The following RBFOX1 variants were observed in gnomAD, a reference collection of about 807,000 sequenced individuals.
RBFOX1 encodes RNA binding protein fox-1 homolog 1.
In RBFOX1, 8 loss-of-function variants were observed where a neutral mutation model predicts 57.7. That is an observed-to-expected ratio of 0.14 (90% CI 0.08 to 0.25). The LOEUF (loss-of-function observed/expected upper bound fraction) is 0.25, where lower values mean the gene tolerates loss of function less well. Ranked by LOEUF, RBFOX1 falls within the 10% of genes least tolerant of loss-of-function variation. The pLI, the probability that RBFOX1 is intolerant of heterozygous loss-of-function variation, is 1.00. For missense variants in RBFOX1, 611 were observed against 548.5 expected (o/e 1.11, Z -1.14); for synonymous variants, 326 against 222.4 (o/e 1.47, Z -4.15).
intron 4 of RBFOX1, among the ~76,000 whole-genome samples, chr16:7,321,781 C>T (rs956615494): frequency 3.9e-5 from 6 of 152,164 alleles, no homozygotes; most frequent in African/African-American, 1.4e-4. Flanking sequence ...AGAGTGGTTC[C>T]TCTTTTGATG....
At chr16:5,894,736 A>C (rs1325793736) in intron 4 of RBFOX1, among the ~76,000 whole-genome samples, 2 of 151,756 alleles carry the variant, frequency 1.3e-5, no homozygotes, top group East Asian at 2.0e-4. Flanking sequence ...AAATTCATCT[A>C]CAGGGCCAGG....
intron 2 of RBFOX1, among the ~76,000 whole-genome samples, chr16:6,644,990 T>C (rs1173036042): frequency 6.6e-6 from 1 of 152,194 alleles, no homozygotes; most frequent in African/African-American, 2.4e-5. Context: ...ATATATTCTC[T>C]GACAGCTCTG....
intron 4 of RBFOX1, among the ~76,000 whole-genome samples, chr16:6,009,702 C>A (rs527783865): frequency 2.2e-4 from 33 of 152,112 alleles, no homozygotes; most frequent in African/African-American, 8.0e-4. Flanking sequence ...CTCCTCCCCC[C>A]ACCTCCAAGC....
intron 3 of RBFOX1, among the ~76,000 whole-genome samples, chr16:6,846,508 A>G (rs9933964): frequency 0.014 from 2,183 of 152,276 alleles, 57 homozygotes; most frequent in African/African-American, 0.05. Context: ...CAAATGAAAC[A>G]AAATGTGTAA....
intron 11 of RBFOX1, among the ~76,000 whole-genome samples, chr16:7,635,006 T>C (rs924229009): frequency 6.6e-6 from 1 of 152,206 alleles, no homozygotes; most frequent in African/African-American, 2.4e-5. Context: ...GGCTGCTTGG[T>C]ATGTGGACTG....
chr16:5,734,529 C>A (rs1048760945), intron 3 of RBFOX1, among the ~76,000 whole-genome samples: 9 of 152,186 alleles, frequency 5.9e-5, no homozygotes, highest in Admixed American at 6.5e-5. Flanking sequence ...GTTGCCATTG[C>A]CAAAGAAACC....
intron 4 of RBFOX1, among the ~76,000 whole-genome samples, chr16:7,383,579 A>G (rs2097822815): frequency 6.6e-6 from 1 of 152,152 alleles, no homozygotes. Flanking sequence ...CTTATTATCC[A>G]TTTCCCATTC....
chr16:5,760,468 C>G (rs1341532879), intron 3 of RBFOX1, among the ~76,000 whole-genome samples: 1 of 152,096 alleles, frequency 6.6e-6, no homozygotes, highest in Non-Finnish European at 1.5e-5. Context: ...ACGTGAGTAG[C>G]AGCATTCCTC....
At position 7,711,586 on chromosome 16, in the gene RBFOX1, G is replaced by A. The variant is rs112762942; in HGVS notation, c.*841G>A. 7.2e-5 allele frequency: 11 copies of A among 152,448 alleles called. No homozygotes were observed. In the South Asian group the frequency reaches 1.9e-3, roughly 26 times the overall value. 9.4% of individuals were successfully genotyped at this position (152,448 alleles called of 1,614,324 possible). On this transcript the variant is annotated 3_prime_UTR_variant, in exon 16 of 16. Transcript: ENST00000550418. ...ACATTAATAAAAAGGTGATAAAAAAGCACTGTTTCTATTTTTTTCTTTTTT... is the reference window on the plus strand; with the variant it reads ...ACATTAATAAAAAGGTGATAAAAAAACACTGTTTCTATTTTTTTCTTTTTT...
intron 3 of RBFOX1, among the ~76,000 whole-genome samples, chr16:6,863,769 A>G (rs2059432894): frequency 1.8e-5 from 2 of 112,108 alleles, no homozygotes; most frequent in African/African-American, 3.7e-5. Context: ...ACCAAATACA[A>G]CCTTACAGAG....
At chr16:7,094,712 C>G (rs189329343) in intron 4 of RBFOX1, among the ~76,000 whole-genome samples, 8 of 141,974 alleles carry the variant, frequency 5.6e-5, no homozygotes, top group Middle Eastern at 3.7e-3. Flanking sequence ...GCTAAGATGG[C>G]TGATGAACTG....
intron 4 of RBFOX1, among the ~76,000 whole-genome samples, chr16:5,986,547 C>G (rs182076434): frequency 9.3e-4 from 141 of 152,320 alleles, no homozygotes; most frequent in African/African-American, 3.3e-3. Flanking sequence ...CCCTCTCACC[C>G]CTGCCTCCTG....
At chr16:6,391,482 C>G (rs948076855) in intron 2 of RBFOX1, among the ~76,000 whole-genome samples, 2 of 150,062 alleles carry the variant, frequency 1.3e-5, no homozygotes, top group Non-Finnish European at 3.0e-5. Flanking sequence ...TGCACTCCAG[C>G]CTGGGCAACA....
intron 3 of RBFOX1, among the ~76,000 whole-genome samples, chr16:5,661,915 C>T (rs543039900): frequency 9.2e-5 from 14 of 152,024 alleles, no homozygotes; most frequent in African/African-American, 2.9e-4. Flanking sequence ...CTGCCCGAGT[C>T]GCTGGGACTA....
chr16:6,751,170 C>G (rs764527389), intron 3 of RBFOX1, among the ~76,000 whole-genome samples: 1 of 151,958 alleles, frequency 6.6e-6, no homozygotes, highest in Admixed American at 6.6e-5. Flanking sequence ...ACATTTTATT[C>G]GAAATACAAT....
At chr16:6,747,445 A>AGTCTGACTGTCTGTCT (rs1555766652) in intron 3 of RBFOX1, among the ~76,000 whole-genome samples, 6 of 83,176 alleles carry the variant, frequency 7.2e-5, no homozygotes, top group African/African-American at 2.4e-4. Context: ...TCAGTCAGTT[A>AGTCTGACTGTCTGTCT]GTCTGTCTGT....
intron 1 of RBFOX1, among the ~76,000 whole-genome samples, chr16:6,023,216 C>T (rs1031609620): frequency 3.9e-5 from 6 of 151,924 alleles, no homozygotes; most frequent in Non-Finnish European, 7.4e-5. Context: ...CGGGTTTCTC[C>T]TCCTGGAATT....
At chr16:6,817,351 C>T (rs556808584) in intron 3 of RBFOX1, among the ~76,000 whole-genome samples, 5 of 152,064 alleles carry the variant, frequency 3.3e-5, no homozygotes, top group African/African-American at 4.8e-5. Flanking sequence ...CTGTTAGCTG[C>T]GTGTGTCACC....
intron 4 of RBFOX1, among the ~76,000 whole-genome samples, chr16:5,955,569 A>T (rs979734105): frequency 6.6e-6 from 1 of 152,104 alleles, no homozygotes; most frequent in African/African-American, 2.4e-5. Context: ...TATGGTAAAT[A>T]TTGTTGAAAT....
Sources: gnomAD v4.1 joint callset for allele counts (sites outside exome capture counted in the v4.1 genomes callset) on GRCh38, gnomAD v4.1.1 for gene constraint, MANE v1.5 for transcripts, NCBI Gene and HGNC (gene_info 2026-07-23, HGNC 2026-07-21) for gene names.